The following AGAP1 variants were observed in gnomAD, a reference collection of about 807,000 sequenced individuals.
AGAP1 encodes arf-GAP with GTPase, ANK repeat and PH domain-containing protein 1.
AGAP1 carries 29 observed loss-of-function variants against 105.3 expected under a neutral mutation model. The ratio of observed to expected loss-of-function variants is 0.28; its 90% confidence interval spans 0.21 to 0.38. The LOEUF is 0.38. Among genes scored for constraint, AGAP1 ranks in the 10% least tolerant of loss-of-function variants. The pLI, the probability that AGAP1 is intolerant of heterozygous loss-of-function variation, is 1.00. For missense variants in AGAP1, 998 were observed against 1,165.1 expected, an observed-to-expected ratio of 0.86 and a Z score of 2.09; for synonymous variants, 509 against 485.9, an observed-to-expected ratio of 1.05 and a Z score of -0.63.
chr2:236,003,549 G>A lies in AGAP1; in HGVS notation c.1646-33012G>A, dbSNP rs2056209623. Among the ~76,000 whole-genome samples, 1 of 152,174 alleles carries A rather than the reference G, an allele frequency of 6.6e-6. No homozygotes were observed. The highest frequency in any genetic ancestry group is 2.4e-5 in the African/African-American group (1 of 41,436). ...GGCCCAGAGCCCAGAGTCACCCGCA[G>A]CCCCCCTGCGCTGCTGCTGCCCGCA... On this transcript the variant is annotated intron_variant, in intron 13 of 17. Transcript: ENST00000304032. The surrounding 1 kb of genome is among the most constrained non-coding windows in gnomAD (Gnocchi z 4.2).
At chr2:235,909,713 A>T (rs927254691) in intron 11 of AGAP1, among the ~76,000 whole-genome samples, 1 of 152,102 alleles carries the variant, frequency 6.6e-6, no homozygotes, top group African/African-American at 2.4e-5. Context: ...TCCCACCTAC[A>T]TCCAGTCTTC....
At chr2:235,598,911 C>T (rs1027794020) in intron 1 of AGAP1, among the ~76,000 whole-genome samples, 32 of 152,150 alleles carry the variant, frequency 2.1e-4, no homozygotes, top group Non-Finnish European at 2.6e-4. Context: ...TTTATTCACT[C>T]ATCTAAATAT....
In AGAP1 at chr2:235,750,229, C is replaced by G. The variant is rs1386446889; in HGVS notation, c.539-125C>G. 25 of 1,372,194 alleles carry G rather than the reference C, an allele frequency of 1.8e-5. No homozygotes were observed. The highest frequency in any genetic ancestry group is 2.4e-5 in the Non-Finnish European group (24 of 990,984). The allele number at this position is 1,372,194 out of a possible 1,614,324, so 85.0% of individuals were successfully genotyped here. ...GGGAGGCAAACGATGCTCTACAATT[C>G]CAGATTCATAAACTAATTACATTTC... On this transcript the variant is annotated intron_variant, in intron 5 of 17. Coordinates refer to ENST00000304032, the MANE Select transcript of AGAP1 (RefSeq NM_001037131.3). The surrounding 1 kb of genome is among the most constrained non-coding windows in gnomAD (Gnocchi z 5.3).
rs892376026 is a variant in AGAP1 at position 235,528,838 on chromosome 2, C to T, written c.163+33989C>T. Among the ~76,000 whole-genome samples the T allele has an allele frequency of 3.0e-4, 45 of 151,166 alleles. 1 individual carries two copies. Among genetic ancestry groups the T allele is most frequent in the Admixed American group, 2.4e-3 (36 of 15,160 alleles). ...GATTACAGTCATGTGCCACCATGCC[C>T]GGCTAATCTTGTATTTTTAGTACAG... On this transcript the variant is annotated intron_variant, in intron 1 of 17. Coordinates refer to ENST00000304032, the MANE Select transcript of AGAP1 (RefSeq NM_001037131.3).
intron 12 of AGAP1, among the ~76,000 whole-genome samples, chr2:235,952,276 G>GC (rs80161050): frequency 0.65 from 98,571 of 151,524 alleles, 33,174 homozygotes; most frequent in African/African-American, 0.83. Context: ...ATTTGCAGTG[G>GC]CCCAGCAAAA....
intron 6 of AGAP1, among the ~76,000 whole-genome samples, chr2:235,766,816 A>G (rs1266581620): frequency 6.6e-6 from 1 of 151,570 alleles, no homozygotes; most frequent in African/African-American, 2.4e-5. Context: ...ATCTCGGCTC[A>G]CTGCTACCTC....
chr2:235,671,430 C>A (rs1948419590), intron 1 of AGAP1, among the ~76,000 whole-genome samples: 1 of 152,188 alleles, frequency 6.6e-6, no homozygotes, highest in African/African-American at 2.4e-5. Context: ...CCGAGGCTCG[C>A]CGGTCGCCGC....
intron 1 of AGAP1, among the ~76,000 whole-genome samples, chr2:235,571,958 GTATACATATA>G (rs1288195670): frequency 5.6e-5 from 6 of 107,350 alleles, no homozygotes; most frequent in Admixed American, 1.8e-4. Context: ...GTGTGTGTGT[GTATACATATA>G]TATGTATACA....
intron 1 of AGAP1, among the ~76,000 whole-genome samples, chr2:235,567,197 C>G (rs926013315): frequency 2.6e-5 from 4 of 152,246 alleles, no homozygotes; most frequent in African/African-American, 9.6e-5. Flanking sequence ...GAGGGTGTGC[C>G]TAGAGCTTGG....
intron 5 of AGAP1, among the ~76,000 whole-genome samples, chr2:235,746,056 G>A (rs1952903550): frequency 6.6e-6 from 1 of 152,150 alleles, no homozygotes; most frequent in Non-Finnish European, 1.5e-5. Context: ...AACCCAGGAA[G>A]CAGAGGTTGC....
At chr2:236,093,871 G>GGT (rs1347138014) in intron 16 of AGAP1, among the ~76,000 whole-genome samples, 2 of 152,052 alleles carry the variant, frequency 1.3e-5, no homozygotes. Context: ...TTACTTAAAA[G>GGT]GTATTTTTTG....
Position 235,927,377 on chromosome 2 carries a change from T to C in AGAP1, c.1325-3388T>C, listed in dbSNP as rs536523234. The stretch of plus-strand genomic sequence containing the variant: ...CACCCTCAGAGCTGCTGCACCAGCA[T>C]CTCAGTGGATTGGACTTGTCCTTGT... On this transcript the variant is annotated intron_variant, in intron 11 of 17. Transcript: ENST00000304032. The surrounding 1 kb of genome is among the most constrained non-coding windows in gnomAD (Gnocchi z 4.4). Among the ~76,000 whole-genome samples the C allele has an allele frequency of 2.0e-5, 3 of 152,296 alleles. No individual in the cohort carries two copies. In the South Asian group the frequency reaches 6.2e-4, roughly 32 times the overall value.
chr2:235,994,384 G>A lies in AGAP1; in HGVS notation c.1645+25761G>A, dbSNP rs534345439. ...TGATGAAGATAACATAGTTTATAAC[G>A]CACACCTCAAAATTCATTTCTTCTC... On this transcript the variant is annotated intron_variant, in intron 13 of 17. Transcript: ENST00000304032. This position sits in a 1 kb window ranked among gnomAD's most constrained non-coding sequence, Gnocchi z 4.4. 1.1e-3 allele frequency among the ~76,000 whole-genome samples: 173 copies of A among 152,184 alleles called. No homozygotes were observed. Among genetic ancestry groups the A allele is most frequent in the Non-Finnish European group, 2.1e-3 (143 of 68,016 alleles).
In AGAP1 at chr2:235,754,935, A is replaced by G. The variant is rs1220841683; in HGVS notation, c.673+4447A>G. Among the ~76,000 whole-genome samples the G allele has an allele frequency of 6.6e-6, 1 of 152,206 alleles. No homozygotes were observed. Among genetic ancestry groups the G allele is most frequent in the Non-Finnish European group, 1.5e-5 (1 of 68,042 alleles). On this transcript the variant is annotated intron_variant, in intron 6 of 17. Transcript: ENST00000304032. The surrounding 1 kb of genome is among the most constrained non-coding windows in gnomAD (Gnocchi z 4.6). ...AGCCCAGGCTGCTTTCTGGGGGTGGAGCGTTCTCGCTCCTGCTCACAGGCG... is the reference window on the plus strand; with the variant it reads ...AGCCCAGGCTGCTTTCTGGGGGTGGGGCGTTCTCGCTCCTGCTCACAGGCG...
At chr2:235,917,241 A>G (rs2051936139) in intron 11 of AGAP1, among the ~76,000 whole-genome samples, 1 of 151,912 alleles carries the variant, frequency 6.6e-6, no homozygotes. Context: ...CTGATTTTCC[A>G]GGGGAGGTGG....
rs546155589 is a variant in AGAP1, at chr2:235,893,695, G to T, written c.1155+10246G>T. Among the ~76,000 whole-genome samples the T allele has an allele frequency of 6.6e-6, 1 of 152,274 alleles. No individual in the cohort carries two copies. Among genetic ancestry groups the T allele is most frequent in the South Asian group, 2.1e-4 (1 of 4,826 alleles). ...GCCCCATCTAGTGTATGTCATTGAG[G>T]AGGAGGGCTGTGTTCCCCACAGTCT... On this transcript the variant is annotated intron_variant, in intron 10 of 17. Transcript: ENST00000304032. The surrounding 1 kb of genome is among the most constrained non-coding windows in gnomAD (Gnocchi z 4.7).
chr2:235,948,726 G>A (rs979995984), intron 12 of AGAP1, among the ~76,000 whole-genome samples: 9 of 152,112 alleles, frequency 5.9e-5, no homozygotes, highest in African/African-American at 2.2e-4. Flanking sequence ...AGGGGACAGT[G>A]GGGGCACAGC....
chr2:235,569,911 G>A lies in AGAP1; in HGVS notation c.163+75062G>A, dbSNP rs1025222328. On this transcript the variant is annotated intron_variant, in intron 1 of 17. Transcript: ENST00000304032. The surrounding 1 kb of genome is among the most constrained non-coding windows in gnomAD (Gnocchi z 5.9). ...AGTGAAAACAGCAAAAATTTAGAAT[G>A]TTTATAGAATTGAACACGAAAACCA... is the stretch of plus-strand genomic sequence containing the variant. Among the ~76,000 whole-genome samples, 1 of 152,204 alleles carries A rather than the reference G, an allele frequency of 6.6e-6. No homozygotes were observed. Among genetic ancestry groups the A allele is most frequent in the Non-Finnish European group, 1.5e-5 (1 of 68,044 alleles).
At chr2:235,894,669 T>C (rs1217616125) in intron 10 of AGAP1, among the ~76,000 whole-genome samples, 4 of 151,348 alleles carry the variant, frequency 2.6e-5, no homozygotes, top group African/African-American at 9.8e-5. Flanking sequence ...ACAACTTCAT[T>C]TCAACTTGTA....
Sources: gnomAD v4.1 joint callset for allele counts (sites outside exome capture counted in the v4.1 genomes callset) on GRCh38, gnomAD v4.1.1 for gene constraint, Gnocchi (gnomAD v3.1) non-coding constraint, MANE v1.5 for transcripts, NCBI Gene and HGNC (gene_info 2026-07-23, HGNC 2026-07-21) for gene names.